The following NKAIN3 variants were observed in gnomAD, a reference collection of about 807,000 sequenced individuals.
NKAIN3 encodes the protein sodium/potassium transporting ATPase interacting 3, also known as sodium/potassium-transporting ATPase subunit beta-1-interacting protein 3.
A neutral mutation model predicts 30.2 loss-of-function variants in NKAIN3; 25 were observed. The observed-to-expected ratio is 0.83, with a 90% CI of 0.60 to 1.16. The LOEUF (loss-of-function observed/expected upper bound fraction) is 1.16, where lower values mean the gene tolerates loss of function less well. NKAIN3 is among the 50% of genes most tolerant of loss of function. The pLI is 0.00. For synonymous variants in NKAIN3, 91 were observed against 89.6 expected (o/e 1.02, Z -0.09); for missense variants, 225 against 254.1 (o/e 0.89, Z 0.78).
chr8:62,984,665 C>A lies in NKAIN3; in HGVS notation c.*19258C>A, dbSNP rs564270838. On this transcript the variant is annotated 3_prime_UTR_variant, in exon 7 of 7. Transcript: ENST00000623646. Reference sequence around the variant, plus strand: ...TGGTAGCCTGTGAAAAAATAAATGTCTTTTTTCTTATACAAACTGATAACA... The same window carrying A: ...TGGTAGCCTGTGAAAAAATAAATGTATTTTTTCTTATACAAACTGATAACA... The A allele has an allele frequency of 5.9e-5, 9 of 152,194 alleles. No homozygotes were observed. Among genetic ancestry groups the A allele is most frequent in the Admixed American group, 5.2e-4 (8 of 15,290 alleles). The allele number at this position is 152,194 out of a possible 1,614,324, so 9.4% of individuals were successfully genotyped here. A position where few individuals can be genotyped will look rare whatever the true frequency, so the allele number is the denominator to read the frequency against.
At chr8:62,476,560 G>A (rs1345698377) in intron 1 of NKAIN3, among the ~76,000 whole-genome samples, 1 of 151,938 alleles carries the variant, frequency 6.6e-6, no homozygotes, top group South Asian at 2.1e-4. Context: ...AGGTTCAAGC[G>A]ATTCTCTTGC....
intron 1 of NKAIN3, among the ~76,000 whole-genome samples, chr8:62,442,207 T>C (rs1412148801): frequency 6.6e-6 from 1 of 152,052 alleles, no homozygotes; most frequent in Non-Finnish European, 1.5e-5. Flanking sequence ...TTGCTAGAAT[T>C]CTTTGTAAAA....
At chr8:62,593,856 G>T (rs1400212283) in intron 3 of NKAIN3, among the ~76,000 whole-genome samples, 1 of 151,976 alleles carries the variant, frequency 6.6e-6, no homozygotes, top group African/African-American at 2.4e-5. Flanking sequence ...AATAGTTAAA[G>T]TTTAGTCTTC....
chr8:62,922,948 T>G (rs1822327168), intron 5 of NKAIN3, among the ~76,000 whole-genome samples: 1 of 152,132 alleles, frequency 6.6e-6, no homozygotes, highest in African/African-American at 2.4e-5. Context: ...TTTGTTTTGC[T>G]CCCCACTGTA....
intron 1 of NKAIN3, among the ~76,000 whole-genome samples, chr8:62,318,238 A>T (rs2129589165): frequency 6.6e-6 from 1 of 152,206 alleles, no homozygotes; most frequent in Non-Finnish European, 1.5e-5. Context: ...GGACAATTTG[A>T]CTTCCTCTTT....
chr8:62,420,548 G>C (rs1207102327), intron 1 of NKAIN3, among the ~76,000 whole-genome samples: 2 of 152,096 alleles, frequency 1.3e-5, no homozygotes, highest in South Asian at 2.1e-4. Context: ...CAAAACATAA[G>C]ATACAGAAGT....
At chr8:62,876,295 T>C (rs924382511) in intron 4 of NKAIN3, among the ~76,000 whole-genome samples, 2 of 152,144 alleles carry the variant, frequency 1.3e-5, no homozygotes, top group African/African-American at 4.8e-5. Flanking sequence ...ATGGTGATTA[T>C]CAAAAAGTCA....
intron 1 of NKAIN3, among the ~76,000 whole-genome samples, chr8:62,548,791 A>G (rs908200321): frequency 1.3e-5 from 2 of 150,798 alleles, no homozygotes; most frequent in African/African-American, 2.4e-5. Context: ...TATATATACA[A>G]TTGTAAACAT....
rs572097704 is a variant in NKAIN3, at chr8:62,316,170, G to A, written c.54+67043G>A. Among the ~76,000 whole-genome samples the A allele has an allele frequency of 2.0e-5, 3 of 152,152 alleles. No homozygotes were observed. In the South Asian group the frequency reaches 6.2e-4, roughly 32 times the overall value. The stretch of plus-strand genomic sequence containing the variant: ...GCCTCCCCAGCCCTACAGAACTGTG[G>A]GTCAATTTAACCTCTGTCCTTTATA... On this transcript the variant is annotated intron_variant, in intron 1 of 6. Coordinates refer to ENST00000623646, the MANE Select transcript of NKAIN3 (RefSeq NM_001304533.3).
chr8:62,542,621 G>A (rs1249296255), intron 1 of NKAIN3, among the ~76,000 whole-genome samples: 1 of 151,606 alleles, frequency 6.6e-6, no homozygotes, highest in Non-Finnish European at 1.5e-5. Context: ...AGGTAATTAG[G>A]TATTTCAGAA....
intron 1 of NKAIN3, among the ~76,000 whole-genome samples, chr8:62,404,397 T>C (rs569450055): frequency 9.2e-5 from 14 of 152,272 alleles, no homozygotes; most frequent in African/African-American, 3.1e-4. Context: ...TCGTCTTGAA[T>C]TGTAGATCCA....
chr8:62,623,741 G>C (rs369017905), intron 3 of NKAIN3, among the ~76,000 whole-genome samples: 1 of 151,922 alleles, frequency 6.6e-6, no homozygotes, highest in Non-Finnish European at 1.5e-5. Context: ...GGATAATTTT[G>C]TTACCAGGAG....
chr8:62,280,090 G>A (rs188433279), intron 1 of NKAIN3, among the ~76,000 whole-genome samples: 30 of 152,158 alleles, frequency 2.0e-4, no homozygotes, highest in African/African-American at 6.3e-4. Flanking sequence ...GGTCCTTCAC[G>A]TCCCTTGTAG....
chr8:62,359,654 A>C (rs10097272), intron 1 of NKAIN3, among the ~76,000 whole-genome samples: 78,748 of 152,062 alleles, frequency 0.52, 21,184 homozygotes, highest in South Asian at 0.63. Flanking sequence ...AGAATTAGAC[A>C]AGAGCCAGAA....
chr8:62,457,357 C>A (rs1305996253), intron 1 of NKAIN3, among the ~76,000 whole-genome samples: 1 of 152,194 alleles, frequency 6.6e-6, no homozygotes, highest in African/African-American at 2.4e-5. Flanking sequence ...AGTGTTCACA[C>A]ATGAGCAAAG....
intron 1 of NKAIN3, among the ~76,000 whole-genome samples, chr8:62,368,731 A>C (rs75392680): frequency 2.6e-5 from 4 of 152,186 alleles, no homozygotes; most frequent in African/African-American, 9.7e-5. Context: ...TCAGACTGGT[A>C]TCATACTTGT....
In NKAIN3 at chr8:62,462,160, A is replaced by G. The variant is rs61162054; in HGVS notation, c.55-117379A>G. 5.0e-3 allele frequency among the ~76,000 whole-genome samples: 766 copies of G among 152,292 alleles called. 3 individuals are homozygous for G. Among genetic ancestry groups the G allele is most frequent in the African/African-American group, 0.017 (720 of 41,572 alleles). ...GAAGAGAGACAGAGTCCATGGGCAC[A>G]GGCGCAGATGGGATGGCAGTTTTGG... On this transcript the variant is annotated intron_variant, in intron 1 of 6. Coordinates refer to ENST00000623646, the MANE Select transcript of NKAIN3 (RefSeq NM_001304533.3).
chr8:62,318,348 G>T (rs148523812), intron 1 of NKAIN3, among the ~76,000 whole-genome samples: 1 of 152,132 alleles, frequency 6.6e-6, no homozygotes, highest in Non-Finnish European at 1.5e-5. Flanking sequence ...GAATAGGAGT[G>T]GTGAGAGGGC....
At chr8:62,292,908 T>G (rs1164213540) in intron 1 of NKAIN3, among the ~76,000 whole-genome samples, 1 of 152,198 alleles carries the variant, frequency 6.6e-6, no homozygotes, top group East Asian at 1.9e-4. Flanking sequence ...AGTCCCATAT[T>G]TCTTGGAGGC....
Sources: allele counts gnomAD v4.1 joint callset (sites outside exome capture counted in the v4.1 genomes callset), GRCh38; gene constraint gnomAD v4.1.1; transcripts MANE v1.5; gene names NCBI Gene and HGNC (gene_info 2026-07-23, HGNC 2026-07-21).